Variants in HEMK2 observed in about 807,000 individuals in gnomAD.
HEMK2 encodes HemK methyltransferase 2, ETF1 glutamine and histone H4 lysine, also known as methyltransferase HEMK2.
the HEMK2 span, among the ~76,000 whole-genome samples, chr21:28,817,237 C>T: frequency 2.6e-5 from 4 of 152,106 alleles, no homozygotes; most frequent in African/African-American, 7.2e-5. Context: ...CAATTTCAAA[C>T]ACAAAATAAA....
chr21:28,811,720 G>T, the HEMK2 span, among the ~76,000 whole-genome samples: 1 of 152,066 alleles, frequency 6.6e-6, no homozygotes, highest in African/African-American at 2.4e-5. Flanking sequence ...TCTCTCACTA[G>T]GTTGTAGGTA....
the HEMK2 span, among the ~76,000 whole-genome samples, chr21:28,853,342 C>A: frequency 1.3e-5 from 2 of 152,182 alleles, no homozygotes; most frequent in Non-Finnish European, 2.9e-5. Flanking sequence ...CCCCAAGCTA[C>A]AACATTAAAT....
At chr21:28,629,446 T>C in the HEMK2 span, among the ~76,000 whole-genome samples, 1 of 152,228 alleles carries the variant, frequency 6.6e-6, no homozygotes, top group South Asian at 2.1e-4. Flanking sequence ...ATGGCATTTT[T>C]CATCCAAAAT....
the HEMK2 span, among the ~76,000 whole-genome samples, chr21:28,771,477 T>A: frequency 2.0e-5 from 3 of 147,860 alleles, no homozygotes; most frequent in Non-Finnish European, 4.4e-5. Context: ...GGGTACAGGC[T>A]AGGGGTGCCG....
the HEMK2 span, among the ~76,000 whole-genome samples, chr21:28,842,681 C>G: frequency 1.3e-5 from 2 of 152,156 alleles, no homozygotes; most frequent in East Asian, 1.9e-4. Flanking sequence ...GAGGATAAAT[C>G]TTGGCTAGTC....
At chr21:28,576,221 C>T in the HEMK2 span, among the ~76,000 whole-genome samples, 4 of 152,284 alleles carry the variant, frequency 2.6e-5, no homozygotes, top group South Asian at 4.1e-4. Context: ...TATATGAGTT[C>T]CAGTTGCTCC....
chr21:28,831,655 G>GAAGGAAAGA, the HEMK2 span, among the ~76,000 whole-genome samples: 22 of 35,774 alleles, frequency 6.1e-4, 1 homozygote, highest in African/African-American at 2.4e-3. Context: ...AAGAAAGAAA[G>GAAGGAAAGA]AAAGAAAGAA....
At chr21:28,863,411 TATATATATATATATATATATATATATA>T in the HEMK2 span, among the ~76,000 whole-genome samples, 1 of 18,658 alleles carries the variant, frequency 5.4e-5, no homozygotes, top group South Asian at 1.6e-3. Context: ...AACTCCCTTT[TATATATATATATATATATATATATATA>T]TATATATATA....
At chr21:28,629,918 C>T in the HEMK2 span, among the ~76,000 whole-genome samples, 1 of 115,692 alleles carries the variant, frequency 8.6e-6, no homozygotes, top group Non-Finnish European at 1.7e-5. Flanking sequence ...ACCCCCTTTG[C>T]TCAGTTTCTT....
At chr21:28,622,179 C>T in the HEMK2 span, among the ~76,000 whole-genome samples, 2 of 152,250 alleles carry the variant, frequency 1.3e-5, no homozygotes, top group Non-Finnish European at 2.9e-5. Flanking sequence ...TTCCTATACA[C>T]CAATTACAGA....
At chr21:28,848,817 T>G in the HEMK2 span, among the ~76,000 whole-genome samples, 1 of 152,280 alleles carries the variant, frequency 6.6e-6, no homozygotes, top group Admixed American at 6.5e-5. Flanking sequence ...CCACCAACTA[T>G]GAATACACAC....
chr21:28,766,625 T>C, the HEMK2 span, among the ~76,000 whole-genome samples: 3 of 151,736 alleles, frequency 2.0e-5, no homozygotes, highest in Admixed American at 2.0e-4. Flanking sequence ...AACCAACGAA[T>C]AGATAAAGAA....
the HEMK2 span, among the ~76,000 whole-genome samples, chr21:28,621,758 A>C: frequency 1.3e-5 from 2 of 152,220 alleles, no homozygotes. Context: ...AGGTTGGGGC[A>C]GAAATAAATC....
At chr21:28,772,773 T>C in the HEMK2 span, among the ~76,000 whole-genome samples, 1 of 152,172 alleles carries the variant, frequency 6.6e-6, no homozygotes, top group African/African-American at 2.4e-5. Context: ...TGTGCTTCTC[T>C]GCTCCCAACC....
chr21:28,778,487 T>C, the HEMK2 span, among the ~76,000 whole-genome samples: 1 of 152,226 alleles, frequency 6.6e-6, no homozygotes, highest in African/African-American at 2.4e-5. Flanking sequence ...CAGGTTAGTT[T>C]TATAAGTAAG....
chr21:28,840,503 C>G, the HEMK2 span, among the ~76,000 whole-genome samples: 2 of 151,722 alleles, frequency 1.3e-5, no homozygotes, highest in East Asian at 3.9e-4. Context: ...ACAATGAACT[C>G]AAATCACTAA....
At chr21:28,706,947 C>T in the HEMK2 span, among the ~76,000 whole-genome samples, 1 of 151,870 alleles carries the variant, frequency 6.6e-6, no homozygotes, top group Non-Finnish European at 1.5e-5. Context: ...TGTAATGGAC[C>T]CTTTGAAAAA....
chr21:28,590,732 G>T, the HEMK2 span, among the ~76,000 whole-genome samples: 2 of 152,206 alleles, frequency 1.3e-5, no homozygotes, highest in South Asian at 4.1e-4. Flanking sequence ...TCTGGCACCA[G>T]AACAAGTGCT....
At chr21:28,611,082 C>G in the HEMK2 span, among the ~76,000 whole-genome samples, 1 of 152,212 alleles carries the variant, frequency 6.6e-6, no homozygotes, top group Non-Finnish European at 1.5e-5. Context: ...TTCTACCCAA[C>G]AACTGCAGAA....
Sources: allele counts gnomAD v4.1 joint callset (sites outside exome capture counted in the v4.1 genomes callset), GRCh38; gene constraint gnomAD v4.1.1; transcripts MANE v1.5; gene names NCBI Gene and HGNC (gene_info 2026-07-23, HGNC 2026-07-21).